The following ASIC2 variants were observed in gnomAD, a reference collection of about 807,000 sequenced individuals.
ASIC2 encodes the protein acid-sensing ion channel 2.
Under a neutral mutation model 57.3 loss-of-function variants are expected in ASIC2, and 25 were observed. The ratio of observed to expected loss-of-function variants is 0.44; its 90% CI spans 0.32 to 0.61. The LOEUF (loss-of-function observed/expected upper bound fraction) is 0.61. ASIC2 is among the 20% of genes least tolerant of loss of function. The pLI, the probability that ASIC2 is intolerant of heterozygous loss-of-function variation, is 0.06. For synonymous variants in ASIC2, 319 were observed against 307.5 expected (o/e 1.04, Z -0.39); for missense variants, 641 against 738.1 (o/e 0.87, Z 1.52).
rs866937701 is a variant in ASIC2, at chr17:33,679,551, C to A, written c.555+476427G>T. On this transcript the variant is annotated intron_variant, in intron 1 of 9. Coordinates refer to the ASIC2 transcript ENST00000359872. ...CACAGGCTTGCACTCATAGAGAGAACCTTCTAGCTGGGGAGACAGACAACA... is the reference window on the plus strand; with the variant it reads ...CACAGGCTTGCACTCATAGAGAGAAACTTCTAGCTGGGGAGACAGACAACA... 7.2e-5 allele frequency among the ~76,000 whole-genome samples: 11 copies of A among 152,138 alleles called. No homozygotes were observed. In the South Asian group the frequency reaches 1.9e-3, roughly 26 times the overall value.
At chr17:34,032,641 A>G (rs1381376392) in intron 1 of ASIC2, among the ~76,000 whole-genome samples, 1 of 152,226 alleles carries the variant, frequency 6.6e-6, no homozygotes, top group Admixed American at 6.5e-5. Flanking sequence ...AGACACACAT[A>G]GGCTCAAAAT....
At chr17:33,631,929 T>G (rs1271412735) in intron 1 of ASIC2, among the ~76,000 whole-genome samples, 3 of 152,140 alleles carry the variant, frequency 2.0e-5, no homozygotes, top group Non-Finnish European at 4.4e-5. Context: ...AAGTCTGAGA[T>G]TCTCTGATTC....
intron 1 of ASIC2, among the ~76,000 whole-genome samples, chr17:33,128,888 T>C (rs960893454): frequency 3.3e-5 from 5 of 152,180 alleles, no homozygotes; most frequent in Non-Finnish European, 5.9e-5. Flanking sequence ...ACACAGTGAG[T>C]GTGCAACAAA....
intron 2 of ASIC2, among the ~76,000 whole-genome samples, chr17:33,109,679 T>C (rs2092249020): frequency 6.6e-6 from 1 of 152,114 alleles, no homozygotes; most frequent in Non-Finnish European, 1.5e-5. Flanking sequence ...AGTGTTAGCA[T>C]GTGACAAGTC....
intron 1 of ASIC2, among the ~76,000 whole-genome samples, chr17:33,573,990 C>T (rs1032128985): frequency 6.6e-6 from 1 of 152,012 alleles, no homozygotes; most frequent in African/African-American, 2.4e-5. Flanking sequence ...CTCATTTGAC[C>T]ATCTCCTTCT....
intron 1 of ASIC2, among the ~76,000 whole-genome samples, chr17:33,805,878 C>A (rs552043021): frequency 6.6e-6 from 1 of 152,200 alleles, no homozygotes; most frequent in Non-Finnish European, 1.5e-5. Flanking sequence ...ATGGAACACG[C>A]TTTGCAAAAA....
In ASIC2 at chr17:33,380,356, C is replaced by G. The variant is rs144478154; in HGVS notation, c.556-268289G>C. Among the ~76,000 whole-genome samples, 5 of 151,442 alleles carry G rather than the reference C, an allele frequency of 3.3e-5. No homozygotes were observed. The East Asian group carries it at 9.7e-4, about 29-fold the overall frequency. On this transcript the variant is annotated intron_variant, in intron 1 of 9. Transcript: ENST00000359872. The stretch of plus-strand genomic sequence containing the variant: ...TCATGTACATGATGATGATGATGAT[C>G]ATGATGCGTAAACATTGATTAAGTG...
rs541344367 is a variant in ASIC2, at chr17:33,221,060, G to T, written c.708+70348C>A. On this transcript the variant is annotated intron_variant, in intron 1 of 9. Coordinates refer to ENST00000225823, the MANE Select transcript of ASIC2 (RefSeq NM_183377.2). ...CACTCCAGCCTGGGCCACAGAGAGA[G>T]AACTTGTCTCAAAAAAAATAAAATA... 6.6e-5 allele frequency among the ~76,000 whole-genome samples: 10 copies of T among 152,184 alleles called. 1 individual carries two copies. The East Asian group carries it at 1.9e-3, about 29-fold the overall frequency.
chr17:33,652,436 T>C (rs1355930416), intron 1 of ASIC2, among the ~76,000 whole-genome samples: 1 of 152,242 alleles, frequency 6.6e-6, no homozygotes, highest in African/African-American at 2.4e-5. Flanking sequence ...TTTATATACA[T>C]GATCTTATTC....
At chr17:33,259,629 G>C (rs781186048) in intron 1 of ASIC2, among the ~76,000 whole-genome samples, 10 of 152,174 alleles carry the variant, frequency 6.6e-5, no homozygotes, top group Non-Finnish European at 1.5e-4. Context: ...AAAGAGGAGA[G>C]AGTGACAGCC....
At chr17:33,878,938 G>T (rs981381139) in intron 1 of ASIC2, among the ~76,000 whole-genome samples, 2 of 152,220 alleles carry the variant, frequency 1.3e-5, no homozygotes, top group Non-Finnish European at 2.9e-5. Flanking sequence ...CCAGAAGAGA[G>T]TGGGGGCCAA....
chr17:33,766,593 A>C (rs1302137195), intron 1 of ASIC2, among the ~76,000 whole-genome samples: 1 of 152,212 alleles, frequency 6.6e-6, no homozygotes, highest in Non-Finnish European at 1.5e-5. Flanking sequence ...CTTCTTTCAC[A>C]TATCTGCATG....
In ASIC2 at chr17:33,883,095, G is replaced by C. The variant is rs536183675; in HGVS notation, c.555+272883C>G. 3.3e-5 allele frequency among the ~76,000 whole-genome samples: 5 copies of C among 151,710 alleles called. No individual in the cohort carries two copies. In the East Asian group the frequency reaches 9.8e-4, roughly 30 times the overall value. On this transcript the variant is annotated intron_variant, in intron 1 of 9. Coordinates refer to the ASIC2 transcript ENST00000359872. ...GGACACAGGAAGGGGAACATGTTGT[G>C]GGGTGGGAGGAGAGGGGAGGGATAG...
chr17:33,579,714 A>C (rs1904345537), intron 1 of ASIC2, among the ~76,000 whole-genome samples: 1 of 152,174 alleles, frequency 6.6e-6, no homozygotes, highest in Non-Finnish European at 1.5e-5. Context: ...CCAGCGTTAC[A>C]ACTGTTAAAA....
intron 1 of ASIC2, among the ~76,000 whole-genome samples, chr17:33,247,042 T>C (rs1805964188): frequency 6.6e-6 from 1 of 152,236 alleles, no homozygotes; most frequent in South Asian, 2.1e-4. Context: ...TGAATAAATG[T>C]TTATCTACAT....
intron 1 of ASIC2, among the ~76,000 whole-genome samples, chr17:34,097,903 T>C (rs186135886): frequency 2.0e-5 from 3 of 152,252 alleles, no homozygotes; most frequent in Admixed American, 6.5e-5. Context: ...TCCACCAATA[T>C]GTGGTGGACC....
intron 1 of ASIC2, among the ~76,000 whole-genome samples, chr17:33,825,250 G>A (rs1423110779): frequency 6.6e-6 from 1 of 152,150 alleles, no homozygotes; most frequent in Non-Finnish European, 1.5e-5. Flanking sequence ...AGGCAGCAAG[G>A]TGGAACAATC....
intron 1 of ASIC2, among the ~76,000 whole-genome samples, chr17:33,699,999 A>T (rs34094885): frequency 3.3e-5 from 5 of 151,950 alleles, no homozygotes; most frequent in Non-Finnish European, 7.4e-5. Flanking sequence ...GGAAAAAAAA[A>T]CCCTGAAAAC....
intron 1 of ASIC2, among the ~76,000 whole-genome samples, chr17:33,798,946 G>T (rs907435249): frequency 1.3e-5 from 2 of 152,112 alleles, no homozygotes; most frequent in African/African-American, 4.8e-5. Context: ...CACAGCAATT[G>T]GGAGCTGGGA....
Sources: gnomAD v4.1 joint callset for allele counts (sites outside exome capture counted in the v4.1 genomes callset) on GRCh38, gnomAD v4.1.1 for gene constraint, MANE v1.5 for transcripts, NCBI Gene and HGNC (gene_info 2026-07-23, HGNC 2026-07-21) for gene names.